PTPRG: variants seen among roughly 807,000 people sequenced by gnomAD.
The protein encoded by PTPRG is protein tyrosine phosphatase receptor type G, also known as receptor-type tyrosine-protein phosphatase gamma.
A neutral mutation model predicts 165.3 loss-of-function variants in PTPRG; 102 were observed. That is an observed-to-expected ratio of 0.62 (90% CI 0.53 to 0.73). PTPRG has a LOEUF of 0.73. PTPRG is among the 30% of genes least tolerant of loss of function. The probability of loss-of-function intolerance (pLI) is 0.00; values close to 1 mark genes in which losing one functional copy is unlikely to be tolerated. For missense variants in PTPRG, 1,866 were observed against 1,861.4 expected (o/e 1.00, Z -0.05); for synonymous variants, 675 against 669.5 (o/e 1.01, Z -0.13).
intron 1 of PTPRG, among the ~76,000 whole-genome samples, chr3:61,717,353 G>A (rs9851159): frequency 0.061 from 9,231 of 152,230 alleles, 493 homozygotes; most frequent in African/African-American, 0.14. Flanking sequence ...ACTAAGGACT[G>A]AGTTTTTATA....
At chr3:62,010,485 G>T (rs2041395742) in intron 4 of PTPRG, among the ~76,000 whole-genome samples, 1 of 151,796 alleles carries the variant, frequency 6.6e-6, no homozygotes, top group Admixed American at 6.6e-5. Flanking sequence ...AAGAAATGGG[G>T]TCCTGTTCAA....
chr3:62,246,427 A>G (rs1701290475), intron 15 of PTPRG, among the ~76,000 whole-genome samples: 2 of 152,196 alleles, frequency 1.3e-5, no homozygotes, highest in Non-Finnish European at 2.9e-5. Flanking sequence ...CAGCTTGATC[A>G]CAATCTCTCA....
chr3:61,929,629 T>A (rs1442534475), intron 2 of PTPRG, among the ~76,000 whole-genome samples: 1 of 152,242 alleles, frequency 6.6e-6, no homozygotes, highest in Non-Finnish European at 1.5e-5. Context: ...CATTTAGCTG[T>A]GACCTGAGAT....
intron 2 of PTPRG, among the ~76,000 whole-genome samples, chr3:61,839,076 T>C (rs1277404281): frequency 6.6e-6 from 1 of 152,190 alleles, no homozygotes; most frequent in Non-Finnish European, 1.5e-5. Context: ...AATTTTAATA[T>C]TGTAAGCAAA....
intron 1 of PTPRG, among the ~76,000 whole-genome samples, chr3:61,625,815 C>T (rs1419770199): frequency 6.6e-6 from 1 of 152,108 alleles, no homozygotes. Flanking sequence ...AATCATATTC[C>T]GTGTATAAAA....
intron 26 of PTPRG, among the ~76,000 whole-genome samples, chr3:62,280,739 C>G (rs1294943536): frequency 6.6e-6 from 1 of 151,978 alleles, no homozygotes; most frequent in African/African-American, 2.4e-5. Context: ...AAATCAACAC[C>G]TCGTAAAGAT....
intron 4 of PTPRG, among the ~76,000 whole-genome samples, chr3:62,014,331 T>C (rs2107744609): frequency 6.6e-6 from 1 of 152,316 alleles, no homozygotes; most frequent in African/African-American, 2.4e-5. Context: ...ATACGTTTAC[T>C]GTGATGGATG....
intron 1 of PTPRG, among the ~76,000 whole-genome samples, chr3:61,640,348 C>T (rs1260516925): frequency 6.6e-6 from 1 of 152,142 alleles, no homozygotes; most frequent in Non-Finnish European, 1.5e-5. Context: ...CTGGGGTATA[C>T]ACCTGGGGCC....
chr3:61,919,320 A>G (rs1321857818), intron 2 of PTPRG, among the ~76,000 whole-genome samples: 1 of 152,154 alleles, frequency 6.6e-6, no homozygotes, highest in Non-Finnish European at 1.5e-5. Context: ...CAAAGTAAGG[A>G]TGTGGTAGAA....
At chr3:62,189,325 A>G (rs1394898577) in intron 8 of PTPRG, among the ~76,000 whole-genome samples, 1 of 152,098 alleles carries the variant, frequency 6.6e-6, no homozygotes, top group East Asian at 1.9e-4. Flanking sequence ...CCAGGTCCTC[A>G]AAGCTGGGCC....
At chr3:62,279,879 AG>A (rs1385925566) in intron 26 of PTPRG, among the ~76,000 whole-genome samples, 1 of 152,068 alleles carries the variant, frequency 6.6e-6, no homozygotes, top group African/African-American at 2.4e-5. Context: ...AGGCATCCTC[AG>A]GAAAATGCCC....
chr3:61,670,626 A>G (rs9881203), intron 1 of PTPRG, among the ~76,000 whole-genome samples: 7,731 of 152,192 alleles, frequency 0.051, 433 homozygotes, highest in African/African-American at 0.14. Flanking sequence ...TCTGACACGA[A>G]ATAGAAACCT....
Position 61,688,442 on chromosome 3 carries a change from TCGC to T in PTPRG, c.86-60434_86-60432del, listed in dbSNP as rs1366864384. 6.7e-4 allele frequency among the ~76,000 whole-genome samples: 102 copies of T among 152,282 alleles called. 1 individual carries two copies. Among genetic ancestry groups the T allele is most frequent in the Non-Finnish European group, 7.3e-5 (5 of 68,032 alleles). On this transcript the variant is annotated intron_variant, in intron 1 of 29. Transcript: ENST00000474889. ...CTCATCAGAGGCTCTCTTTTCTCAGTCGCCTCCATCTTTCCAGAGACTCAGAGG... is the reference window on the plus strand; with the variant it reads ...CTCATCAGAGGCTCTCTTTTCTCAGTCTCCATCTTTCCAGAGACTCAGAGG...
intron 6 of PTPRG, among the ~76,000 whole-genome samples, chr3:62,145,799 G>T (rs1403770218): frequency 2.0e-5 from 3 of 152,186 alleles, no homozygotes; most frequent in African/African-American, 7.2e-5. Context: ...GGTAAAGTGA[G>T]GTTTTAGAGA....
chr3:62,272,358 A>G (rs1341570955), intron 21 of PTPRG, among the ~76,000 whole-genome samples: 1 of 152,178 alleles, frequency 6.6e-6, no homozygotes, highest in African/African-American at 2.4e-5. Context: ...CCTTGTATAA[A>G]GCTTGTTTTT....
intron 5 of PTPRG, among the ~76,000 whole-genome samples, chr3:62,111,291 C>G (rs1349610096): frequency 1.3e-5 from 2 of 152,142 alleles, no homozygotes; most frequent in Non-Finnish European, 2.9e-5. Context: ...CAGCCTTTCC[C>G]AGAACATCCT....
chr3:61,699,487 C>A (rs1016765060), intron 1 of PTPRG, among the ~76,000 whole-genome samples: 5 of 152,198 alleles, frequency 3.3e-5, no homozygotes, highest in African/African-American at 1.2e-4. Context: ...CTACAGACAT[C>A]ATTAAGGGAA....
chr3:61,989,358 C>G (rs968692207), intron 2 of PTPRG, among the ~76,000 whole-genome samples: 2 of 152,132 alleles, frequency 1.3e-5, no homozygotes, highest in East Asian at 1.9e-4. Context: ...ACCCTAATAG[C>G]CCTTCTACAC....
At chr3:62,001,528 A>T (rs2107718776) in intron 3 of PTPRG, among the ~76,000 whole-genome samples, 1 of 152,214 alleles carries the variant, frequency 6.6e-6, no homozygotes, top group African/African-American at 2.4e-5. Flanking sequence ...TAATGCCTAG[A>T]TGTTTTGACA....
Sources: allele counts gnomAD v4.1 joint callset (sites outside exome capture counted in the v4.1 genomes callset), GRCh38; gene constraint gnomAD v4.1.1; transcripts MANE v1.5; gene names NCBI Gene and HGNC (gene_info 2026-07-23, HGNC 2026-07-21).